The following ENAH variants were observed in gnomAD, a reference collection of about 807,000 sequenced individuals.
The protein encoded by ENAH is protein enabled homolog.
In ENAH, 23 loss-of-function variants were observed where a neutral mutation model predicts 78.7. The observed-to-expected ratio is 0.29, with a 90% CI of 0.21 to 0.41. The LOEUF (loss-of-function observed/expected upper bound fraction) is 0.41. Ranked by LOEUF, ENAH falls within the 10% of genes least tolerant of loss-of-function variation. The pLI, the probability that ENAH is intolerant of heterozygous loss-of-function variation, is 1.00. For missense variants in ENAH, 544 were observed against 691.0 expected (o/e 0.79, Z 2.39); for synonymous variants, 226 against 241.0 (o/e 0.94, Z 0.58).
At position 225,503,676 on chromosome 1, in the gene ENAH, A is replaced by AAAAC. The variant is rs1236808652; in HGVS notation, c.1539-2607_1539-2606insGTTT. ...ACCACCTCAAAAAAAAAAAAAAAAAAAACACAAAACTATTTCACTACTGGA... is the reference window on the plus strand; with the variant it reads ...ACCACCTCAAAAAAAAAAAAAAAAAAAAACAACACAAAACTATTTCACTACTGGA... On this transcript the variant is annotated intron_variant, in intron 11 of 13. Coordinates refer to ENST00000366843, the MANE Select transcript of ENAH (RefSeq NM_018212.6). 2.2e-4 allele frequency among the ~76,000 whole-genome samples: 33 copies of AAAAC among 149,274 alleles called. 1 individual carries two copies. Among genetic ancestry groups the AAAAC allele is most frequent in the African/African-American group, 7.3e-4 (30 of 41,244 alleles).
intron 1 of ENAH, among the ~76,000 whole-genome samples, chr1:225,627,445 A>C (rs966754476): frequency 6.6e-6 from 1 of 152,146 alleles, no homozygotes; most frequent in African/African-American, 2.4e-5. Flanking sequence ...AAGGGAGGAA[A>C]GGAACAAGAT....
At position 225,495,279 on chromosome 1, in the gene ENAH, G is replaced by A. The variant is rs1190008537; in HGVS notation, c.*2496C>T. 1 of 152,420 alleles carries A rather than the reference G, an allele frequency of 6.6e-6. No individual in the cohort carries two copies. Among genetic ancestry groups the A allele is most frequent in the African/African-American group, 2.4e-5 (1 of 41,420 alleles). 9.4% of individuals were successfully genotyped at this position (152,420 alleles called of 1,614,324 possible). ...TCATAATAATGTGGTTCCAAGGAAC[G>A]TGGTTTTGATAAGGTAAATAACTTA... On this transcript the variant is annotated 3_prime_UTR_variant, in exon 14 of 14. Coordinates refer to ENST00000366843, the MANE Select transcript of ENAH (RefSeq NM_018212.6).
rs189010662 is a variant in ENAH at position 225,607,775 on chromosome 1, C to G, written c.6-40361G>C. ...TCACCACAGAATTCTGGCAGTCAAG[C>G]TTAGACAGGAAAACAAAACAGCCTA... On this transcript the variant is annotated intron_variant, in intron 1 of 13. Coordinates refer to ENST00000366843, the MANE Select transcript of ENAH (RefSeq NM_018212.6). Among the ~76,000 whole-genome samples the G allele has an allele frequency of 6.9e-4, 105 of 152,196 alleles. 1 individual carries two copies. The South Asian group carries it at 8.7e-3, about 13-fold the overall frequency.
intron 1 of ENAH, among the ~76,000 whole-genome samples, chr1:225,616,981 C>A (rs1181698110): frequency 6.6e-6 from 1 of 152,050 alleles, no homozygotes; most frequent in African/African-American, 2.4e-5. Flanking sequence ...CACCTGTAAT[C>A]CCAGCTACTC....
intron 2 of ENAH, among the ~76,000 whole-genome samples, chr1:225,566,121 G>C (rs2151503634): frequency 6.6e-6 from 1 of 152,132 alleles, no homozygotes; most frequent in South Asian, 2.1e-4. Context: ...AAGTGAAGGA[G>C]TTTCTCATTT....
chr1:225,520,931 AGGGAGGGAGGGAGGGAGGG>A (rs1558748502), intron 4 of ENAH, among the ~76,000 whole-genome samples: 11 of 542 alleles, frequency 0.02, no homozygotes, highest in East Asian at 0.12. Flanking sequence ...GAAGGGAGGG[AGGGAGGGAGGGAGGGAGGG>A]AGGGAGGGAG....
chr1:225,549,778 G>A lies in ENAH; in HGVS notation c.349+5128C>T, dbSNP rs145527629. Reference sequence around the variant, plus strand: ...AGGTAGAAAGCTAGAACACTGCCGTGGCAGGTATAGCCAGCACTAAATGAA... The same window carrying A: ...AGGTAGAAAGCTAGAACACTGCCGTAGCAGGTATAGCCAGCACTAAATGAA... On this transcript the variant is annotated intron_variant, in intron 3 of 13. Coordinates refer to ENST00000366843, the MANE Select transcript of ENAH (RefSeq NM_018212.6). Among the ~76,000 whole-genome samples, 16 of 152,238 alleles carry A rather than the reference G, an allele frequency of 1.1e-4. No individual in the cohort carries two copies. In the East Asian group the frequency reaches 2.9e-3, roughly 27 times the overall value.
At chr1:225,562,106 A>G (rs1575537111) in intron 2 of ENAH, among the ~76,000 whole-genome samples, 1 of 152,044 alleles carries the variant, frequency 6.6e-6, no homozygotes, top group East Asian at 2.0e-4. Flanking sequence ...TATTTTTAGT[A>G]GAGACTGGGT....
rs374097492 is a variant in ENAH at position 225,650,665 on chromosome 1, A to C, written c.5+2021T>G. Among the ~76,000 whole-genome samples, 8 of 151,914 alleles carry C rather than the reference A, an allele frequency of 5.3e-5. No homozygotes were observed. In the East Asian group the frequency reaches 1.2e-3, roughly 22 times the overall value. ...GGAGTTGGAGACCATCCTGGCTAACATGGTGAAACCCCGTCTCTACTAAAA... is the reference window on the plus strand; with the variant it reads ...GGAGTTGGAGACCATCCTGGCTAACCTGGTGAAACCCCGTCTCTACTAAAA... On this transcript the variant is annotated intron_variant, in intron 1 of 13. Transcript: ENST00000366843.
chr1:225,510,699 TAAAAAAAAAAA>T (rs770906084), intron 10 of ENAH, among the ~76,000 whole-genome samples: 1 of 106,046 alleles, frequency 9.4e-6, no homozygotes, highest in Non-Finnish European at 2.0e-5. Flanking sequence ...CAGAGGTACT[TAAAAAAAAAAA>T]AAAAAAAAAA....
intron 1 of ENAH, among the ~76,000 whole-genome samples, chr1:225,623,796 A>G (rs1657445810): frequency 6.6e-6 from 1 of 152,020 alleles, no homozygotes; most frequent in Non-Finnish European, 1.5e-5. Flanking sequence ...TCACTGTGTT[A>G]GCCAGGATGG....
intron 1 of ENAH, among the ~76,000 whole-genome samples, chr1:225,640,146 T>C (rs977617901): frequency 6.6e-6 from 1 of 152,226 alleles, no homozygotes; most frequent in African/African-American, 2.4e-5. Context: ...TTTATGATCA[T>C]ACTGCAAAAG....
intron 5 of ENAH, chr1:225,517,658 G>A: frequency 6.4e-7 from 1 of 1,550,934 alleles, no homozygotes; most frequent in South Asian, 1.2e-5. Flanking sequence ...CAGGCACAGG[G>A]CTTCGTAGCT....
At chr1:225,628,377 G>GA (rs1459821063) in intron 1 of ENAH, among the ~76,000 whole-genome samples, 1 of 151,838 alleles carries the variant, frequency 6.6e-6, no homozygotes, top group Non-Finnish European at 1.5e-5. Flanking sequence ...ATTAGGAGGG[G>GA]AAAAAAACCT....
chr1:225,517,855 A>G lies in ENAH; in HGVS notation c.803-549T>C, dbSNP rs1202475708. On this transcript the variant is annotated intron_variant, in intron 5 of 13. Coordinates refer to ENST00000366843, the MANE Select transcript of ENAH (RefSeq NM_018212.6). ...GGAAGTAGGTGGCAAAGCAGTCACT[A>G]CAGCATAATCAGGAGTGGCATCTGA... The G allele has an allele frequency of 3.2e-6, 5 of 1,551,510 alleles. No homozygotes were observed. In the South Asian group the frequency reaches 5.9e-5, roughly 18 times the overall value.
Position 225,498,393 on chromosome 1 carries a change from A to C in ENAH, c.1629T>G (p.Asp543Glu). Reference protein sequence around the residue: ...DYDRLKQDILDEMRKELTKLK... With the variant: ...DYDRLKQDILEEMRKELTKLK... Reference sequence around the variant, plus strand: ...GCTTTGTTAATTCTTTTCTCATTTCATCTAAAATGTCCTAAAATATTAGAG... The same window carrying C: ...GCTTTGTTAATTCTTTTCTCATTTCCTCTAAAATGTCCTAAAATATTAGAG... The change falls in exon 13 of 14, where the codon GAT becomes GAG. Residue 543 changes from aspartate to glutamate, a missense_variant. Around this residue, in one of 4 missense-constraint regions of ENAH, gnomAD observed 97 missense variants for 124.4 expected, o/e 0.78. Coordinates refer to ENST00000366843, the MANE Select transcript of ENAH (RefSeq NM_018212.6). 6.3e-7 allele frequency: 1 copy of C among 1,586,156 alleles called. No individual in the cohort carries two copies. Among genetic ancestry groups the C allele is most frequent in the Non-Finnish European group, 8.6e-7 (1 of 1,158,466 alleles).
At chr1:225,627,161 G>C (rs1328385126) in intron 1 of ENAH, among the ~76,000 whole-genome samples, 1 of 152,132 alleles carries the variant, frequency 6.6e-6, no homozygotes, top group Admixed American at 6.5e-5. Context: ...TTAGCCCCCT[G>C]CGTTATTTTT....
At chr1:225,498,141 G>A (rs988972021) in intron 13 of ENAH, among the ~76,000 whole-genome samples, 1 of 152,098 alleles carries the variant, frequency 6.6e-6, no homozygotes, top group Admixed American at 6.6e-5. Context: ...GAAACTTAGG[G>A]ATATTGTTTA....
At chr1:225,524,898 T>C (rs540184300) in intron 4 of ENAH, among the ~76,000 whole-genome samples, 1 of 152,320 alleles carries the variant, frequency 6.6e-6, no homozygotes, top group South Asian at 2.1e-4. Flanking sequence ...TAATAAATGA[T>C]ATAATAATAA....
Sources: allele counts gnomAD v4.1 joint callset (sites outside exome capture counted in the v4.1 genomes callset), GRCh38; gene constraint gnomAD v4.1.1; regional missense constraint gnomAD v4.1.1; transcripts MANE v1.5; gene names NCBI Gene and HGNC (gene_info 2026-07-23, HGNC 2026-07-21).